FUT9: variants seen among roughly 807,000 people sequenced by gnomAD.
The protein encoded by FUT9 is 4-galactosyl-N-acetylglucosaminide 3-alpha-L-fucosyltransferase 9.
Under a neutral mutation model 29.7 loss-of-function variants are expected in FUT9, and 15 were observed. The observed-to-expected ratio is 0.51, with a 90% CI of 0.34 to 0.78. The LOEUF (loss-of-function observed/expected upper bound fraction) is 0.78, where lower values mean the gene tolerates loss of function less well. Among genes scored for constraint, FUT9 ranks in the 30% least tolerant of loss-of-function variants. The pLI, the probability that FUT9 is intolerant of heterozygous loss-of-function variation, is 0.01. For missense variants in FUT9, 319 were observed against 425.4 expected, an observed-to-expected ratio of 0.75 and a Z score of 2.20; for synonymous variants, 169 against 153.7, an observed-to-expected ratio of 1.10 and a Z score of -0.74.
At chr6:96,148,109 G>T (rs1180419869) in intron 2 of FUT9, among the ~76,000 whole-genome samples, 2 of 151,974 alleles carry the variant, frequency 1.3e-5, no homozygotes, top group African/African-American at 4.8e-5. Context: ...CCTTAAAAAC[G>T]CTTTCTAACA....
chr6:96,067,475 G>T (rs562274619), intron 1 of FUT9, among the ~76,000 whole-genome samples: 34 of 152,184 alleles, frequency 2.2e-4, no homozygotes, highest in African/African-American at 7.7e-4. Context: ...TCGTATCAGA[G>T]GCATCATGAA....
At chr6:96,175,033 T>A (rs1031933678) in intron 2 of FUT9, among the ~76,000 whole-genome samples, 1 of 152,150 alleles carries the variant, frequency 6.6e-6, no homozygotes, top group African/African-American at 2.4e-5. Context: ...ATAGTGTTGC[T>A]ATTCCGATCA....
At chr6:96,045,342 AGAAAC>A (rs1251954552) in intron 1 of FUT9, among the ~76,000 whole-genome samples, 4 of 152,222 alleles carry the variant, frequency 2.6e-5, no homozygotes, top group Non-Finnish European at 4.4e-5. Context: ...AGGGAATAAG[AGAAAC>A]TCTGAAAGTG....
chr6:96,137,462 G>T (rs1021806050), intron 2 of FUT9, among the ~76,000 whole-genome samples: 13 of 152,124 alleles, frequency 8.5e-5, no homozygotes, highest in African/African-American at 2.9e-4. Context: ...TAAATTCCAA[G>T]TCCATAATTG....
At chr6:96,198,334 T>C (rs1773665639) in intron 2 of FUT9, among the ~76,000 whole-genome samples, 2 of 151,386 alleles carry the variant, frequency 1.3e-5, no homozygotes, top group Non-Finnish European at 2.9e-5. Context: ...GTTCTCATTG[T>C]TCAATTCCCA....
intron 2 of FUT9, among the ~76,000 whole-genome samples, chr6:96,124,422 T>C (rs979798727): frequency 6.6e-6 from 1 of 152,210 alleles, no homozygotes; most frequent in African/African-American, 2.4e-5. Context: ...AGTGCTGGGA[T>C]TACAGGCGTG....
chr6:96,147,615 A>C (rs1772596038), intron 2 of FUT9, among the ~76,000 whole-genome samples: 1 of 152,114 alleles, frequency 6.6e-6, no homozygotes, highest in South Asian at 2.1e-4. Flanking sequence ...ACCCAAAGAG[A>C]GAAGTAAGTC....
rs1247171786 is a variant in FUT9, at chr6:96,209,295, GAT to G, written c.*5063_*5064del. 6.0e-6 allele frequency: 1 copy of G among 166,466 alleles called. No individual in the cohort carries two copies. Among genetic ancestry groups the G allele is most frequent in the East Asian group, 1.9e-4 (1 of 5,188 alleles). 10.3% of individuals were successfully genotyped at this position (166,466 alleles called of 1,614,324 possible). On this transcript the variant is annotated 3_prime_UTR_variant, in exon 3 of 3. Coordinates refer to ENST00000302103, the MANE Select transcript of FUT9 (RefSeq NM_006581.4). Reference sequence around the variant, plus strand: ...GATTTCCTTCTCATTTCTCTGTGTAGATATTTAAAGTATGAAATTGATTATTT... The same window carrying G: ...GATTTCCTTCTCATTTCTCTGTGTAGATTTAAAGTATGAAATTGATTATTT...
rs988546069 is a variant in FUT9 at position 96,140,827 on chromosome 6, C to T, written c.-9+26700C>T. Among the ~76,000 whole-genome samples the T allele has an allele frequency of 3.3e-5, 5 of 152,180 alleles. No homozygotes were observed. In the South Asian group the frequency reaches 8.3e-4, roughly 25 times the overall value. On this transcript the variant is annotated intron_variant, in intron 2 of 2. Transcript: ENST00000302103. ...ATGCTGAGATTATGATCTACTCTCACCACTGAGAATATTCATATTCTTCAA... is the reference window on the plus strand; with the variant it reads ...ATGCTGAGATTATGATCTACTCTCATCACTGAGAATATTCATATTCTTCAA...
intron 2 of FUT9, among the ~76,000 whole-genome samples, chr6:96,133,579 G>T (rs539636301): frequency 6.6e-6 from 1 of 151,978 alleles, no homozygotes; most frequent in African/African-American, 2.4e-5. Context: ...ATAAAATGAG[G>T]ATGAAACTAC....
intron 1 of FUT9, among the ~76,000 whole-genome samples, chr6:96,041,866 G>A (rs897672774): frequency 2.0e-5 from 3 of 152,048 alleles, no homozygotes; most frequent in African/African-American, 7.2e-5. Flanking sequence ...TGTTTTTTCT[G>A]TTATTGTTCT....
intron 1 of FUT9, among the ~76,000 whole-genome samples, chr6:96,052,882 C>T (rs1033632181): frequency 6.6e-5 from 10 of 151,564 alleles, no homozygotes; most frequent in Admixed American, 6.6e-4. Context: ...GCTTAGAAAG[C>T]AAGTAAATAT....
Position 96,120,760 on chromosome 6 carries a change from A to G in FUT9, c.-9+6633A>G, listed in dbSNP as rs193293658. ...AGGAGTAATTGGGGTAGCCTGGAAGAAATCACTTATGGGAGATGCTCCAGA... is the reference window on the plus strand; with the variant it reads ...AGGAGTAATTGGGGTAGCCTGGAAGGAATCACTTATGGGAGATGCTCCAGA... On this transcript the variant is annotated intron_variant, in intron 2 of 2. Transcript: ENST00000302103. Among the ~76,000 whole-genome samples, 118 of 151,762 alleles carry G rather than the reference A, an allele frequency of 7.8e-4. 1 individual carries two copies. Among genetic ancestry groups the G allele is most frequent in the Admixed American group, 1.4e-3 (21 of 15,210 alleles).
chr6:96,094,586 T>C (rs1468953274), intron 1 of FUT9, among the ~76,000 whole-genome samples: 2 of 152,140 alleles, frequency 1.3e-5, no homozygotes, highest in African/African-American at 2.4e-5. Flanking sequence ...GTACTATCAG[T>C]GGTTTCAGGA....
chr6:96,081,570 T>C (rs1290598374), intron 1 of FUT9, among the ~76,000 whole-genome samples: 5 of 151,852 alleles, frequency 3.3e-5, no homozygotes, highest in African/African-American at 1.2e-4. Context: ...GCTTCCAAGA[T>C]GATGGTTGTG....
intron 1 of FUT9, among the ~76,000 whole-genome samples, chr6:96,016,973 T>G (rs1306480819): frequency 6.6e-6 from 1 of 152,242 alleles, no homozygotes; most frequent in Non-Finnish European, 1.5e-5. Flanking sequence ...AGGTTTGTTC[T>G]GTTCATTGAG....
rs148544480 is a variant in FUT9, at chr6:96,183,492, G to A, written c.-8-19656G>A. Among the ~76,000 whole-genome samples, 319 of 152,128 alleles carry A rather than the reference G, an allele frequency of 2.1e-3. 2 individuals are homozygous for A. The highest frequency in any genetic ancestry group is 3.5e-3 in the Non-Finnish European group (240 of 67,948). On this transcript the variant is annotated intron_variant, in intron 2 of 2. Coordinates refer to ENST00000302103, the MANE Select transcript of FUT9 (RefSeq NM_006581.4). ...TTCCAGTACTATGTTGAGGAGAAGC[G>A]GTGAGAGTGGGCATCCTTGTCTTGT...
chr6:96,042,141 T>C (rs1770472572), intron 1 of FUT9, among the ~76,000 whole-genome samples: 1 of 152,184 alleles, frequency 6.6e-6, no homozygotes, highest in South Asian at 2.1e-4. Flanking sequence ...GAGAACTGGA[T>C]GCCAAGCTGT....
At chr6:96,067,272 A>T (rs1262985182) in intron 1 of FUT9, among the ~76,000 whole-genome samples, 1 of 151,834 alleles carries the variant, frequency 6.6e-6, no homozygotes, top group Non-Finnish European at 1.5e-5. Flanking sequence ...AGTAATCATT[A>T]CAACTGGGAA....
Sources: gnomAD v4.1 joint callset for allele counts (sites outside exome capture counted in the v4.1 genomes callset) on GRCh38, gnomAD v4.1.1 for gene constraint, MANE v1.5 for transcripts, NCBI Gene and HGNC (gene_info 2026-07-23, HGNC 2026-07-21) for gene names.